The following KDM2A variants were observed in gnomAD, a reference collection of about 807,000 sequenced individuals.
KDM2A encodes lysine demethylase 2A.
A neutral mutation model predicts 137.3 loss-of-function variants in KDM2A; 3 were observed. The observed-to-expected ratio is 0.02, with a 90% CI of 0.01 to 0.06. The LOEUF (loss-of-function observed/expected upper bound fraction) is 0.06, where lower values mean the gene tolerates loss of function less well. KDM2A is among the 10% of genes least tolerant of loss of function. KDM2A has a pLI of 1.00. For missense variants in KDM2A, 738 were observed against 1,510.6 expected (o/e 0.49, Z 8.48); for synonymous variants, 512 against 541.5 (o/e 0.95, Z 0.76).
At chr11:67,131,329 AAATAAT>A (rs1485880146) in intron 2 of KDM2A, among the ~76,000 whole-genome samples, 1 of 151,960 alleles carries the variant, frequency 6.6e-6, no homozygotes, top group South Asian at 2.1e-4. Context: ...CGTCTCAAAA[AAATAAT>A]AATAATAACA....
At chr11:67,214,785 T>G (rs1334012076) in intron 6 of KDM2A, among the ~76,000 whole-genome samples, 1 of 152,212 alleles carries the variant, frequency 6.6e-6, no homozygotes, top group Non-Finnish European at 1.5e-5. Context: ...CTTAGTTTTA[T>G]AGATGAGTTT....
intron 2 of KDM2A, among the ~76,000 whole-genome samples, chr11:67,174,236 C>T (rs202144734): frequency 3.9e-5 from 6 of 152,034 alleles, no homozygotes; most frequent in Admixed American, 1.3e-4. Flanking sequence ...CCAGCCTGGG[C>T]GACAGAGTAA....
At chr11:67,226,224 A>G (rs1858538518) in intron 10 of KDM2A, among the ~76,000 whole-genome samples, 2 of 151,100 alleles carry the variant, frequency 1.3e-5, no homozygotes, top group South Asian at 4.2e-4. Flanking sequence ...ACCACTGCAC[A>G]CTAGCCTTGG....
Position 67,245,849 on chromosome 11 carries a change from C to T in KDM2A, c.1834-136C>T. Reference sequence around the variant, plus strand: ...TTTTCCTACCCAAAACCTCCGTTCTCTCCACCCTGCCTCCATGCTTCCAGG... The same window carrying T: ...TTTTCCTACCCAAAACCTCCGTTCTTTCCACCCTGCCTCCATGCTTCCAGG... On this transcript the variant is annotated intron_variant, in intron 14 of 20. Coordinates refer to ENST00000529006, the MANE Select transcript of KDM2A (RefSeq NM_012308.3). This position sits in a 1 kb window ranked among gnomAD's most constrained non-coding sequence, Gnocchi z 4.1. 1.9e-6 allele frequency: 2 copies of T among 1,045,250 alleles called. No homozygotes were observed. Among genetic ancestry groups the T allele is most frequent in the South Asian group, 1.6e-5 (1 of 60,866 alleles). The allele number at this position is 1,045,250 out of a possible 1,614,324, so 64.7% of individuals were successfully genotyped here. A position where few individuals can be genotyped will look rare whatever the true frequency, so the allele number is the denominator to read the frequency against.
At chr11:67,186,835 A>G (rs1489083320) in intron 5 of KDM2A, among the ~76,000 whole-genome samples, 10 of 152,208 alleles carry the variant, frequency 6.6e-5, no homozygotes, top group Non-Finnish European at 1.5e-4. Flanking sequence ...CAGTAGGCTG[A>G]GGTGGGAGGA....
intron 2 of KDM2A, among the ~76,000 whole-genome samples, chr11:67,150,239 T>C (rs932866386): frequency 1.3e-5 from 2 of 152,198 alleles, no homozygotes; most frequent in Non-Finnish European, 2.9e-5. Flanking sequence ...ACTTAAGAAA[T>C]TCACTGCCTC....
chr11:67,226,102 T>C (rs1858534459), intron 10 of KDM2A, among the ~76,000 whole-genome samples: 1 of 151,162 alleles, frequency 6.6e-6, no homozygotes, highest in Non-Finnish European at 1.5e-5. Context: ...AAATTTAAAA[T>C]AACAATTAGC....
chr11:67,131,014 G>C (rs1009787058), intron 2 of KDM2A, among the ~76,000 whole-genome samples: 1 of 152,018 alleles, frequency 6.6e-6, no homozygotes, highest in Admixed American at 6.6e-5. Context: ...ACCATCCAAC[G>C]TCTCTTGTGT....
intron 2 of KDM2A, among the ~76,000 whole-genome samples, chr11:67,139,089 C>A (rs1486275566): frequency 6.6e-6 from 1 of 152,134 alleles, no homozygotes; most frequent in Admixed American, 6.6e-5. Context: ...CTTCTCCCCC[C>A]ACCATGCTCC....
At chr11:67,183,697 G>A (rs933738503) in intron 5 of KDM2A, among the ~76,000 whole-genome samples, 2 of 152,154 alleles carry the variant, frequency 1.3e-5, no homozygotes, top group Non-Finnish European at 2.9e-5. Flanking sequence ...ATGTTTCCCC[G>A]AAAAACTTGC....
chr11:67,166,661 G>A (rs1462712307), intron 2 of KDM2A, among the ~76,000 whole-genome samples: 1 of 152,004 alleles, frequency 6.6e-6, no homozygotes, highest in Non-Finnish European at 1.5e-5. Flanking sequence ...GGAGTTCTGG[G>A]CTGTAATGCA....
chr11:67,175,754 G>A (rs1856962985), intron 2 of KDM2A, among the ~76,000 whole-genome samples: 1 of 152,164 alleles, frequency 6.6e-6, no homozygotes, highest in East Asian at 1.9e-4. Context: ...AAAGGTTGAG[G>A]TTTGAAAACA....
chr11:67,210,834 G>A (rs1020588804), intron 6 of KDM2A, among the ~76,000 whole-genome samples: 3 of 152,142 alleles, frequency 2.0e-5, no homozygotes, highest in Non-Finnish European at 2.9e-5. Context: ...GTATCGACCA[G>A]GTCAAGTTTT....
intron 2 of KDM2A, chr11:67,132,088 G>A (rs1855865715): frequency 6.6e-6 from 1 of 152,228 alleles, no homozygotes. Context: ...GTAGAGAGGA[G>A]GAGGGAAGAG....
intron 2 of KDM2A, among the ~76,000 whole-genome samples, chr11:67,173,860 C>T (rs1222807967): frequency 2.6e-5 from 4 of 151,948 alleles, no homozygotes; most frequent in Non-Finnish European, 5.9e-5. Context: ...CGCACATTAC[C>T]ATGCTCAACT....
chr11:67,180,800 G>A (rs991026518), intron 3 of KDM2A, among the ~76,000 whole-genome samples: 1 of 151,428 alleles, frequency 6.6e-6, no homozygotes, highest in Non-Finnish European at 1.5e-5. Context: ...TTACAGGCAC[G>A]TGCCACCACA....
intron 5 of KDM2A, among the ~76,000 whole-genome samples, chr11:67,206,125 A>C (rs941994792): frequency 8.5e-5 from 13 of 152,222 alleles, no homozygotes; most frequent in African/African-American, 3.1e-4. Context: ...GTAGTATAGG[A>C]GCTGAGATTT....
chr11:67,148,558 T>TGG (rs1180354405), intron 2 of KDM2A, among the ~76,000 whole-genome samples: 1 of 152,084 alleles, frequency 6.6e-6, no homozygotes, highest in Admixed American at 6.5e-5. Context: ...CCCAGCACTT[T>TGG]GGGAGGCCAA....
chr11:67,140,838 A>G (rs1856083605), intron 2 of KDM2A, among the ~76,000 whole-genome samples: 1 of 152,122 alleles, frequency 6.6e-6, no homozygotes, highest in South Asian at 2.1e-4. Context: ...CCAGTTATTT[A>G]TTGGGTCTAC....
Sources: allele counts gnomAD v4.1 joint callset (sites outside exome capture counted in the v4.1 genomes callset), GRCh38; gene constraint gnomAD v4.1.1; non-coding constraint Gnocchi (gnomAD v3.1); transcripts MANE v1.5; gene names NCBI Gene and HGNC (gene_info 2026-07-23, HGNC 2026-07-21).